The following GRM5 variants were observed in gnomAD, a reference collection of about 807,000 sequenced individuals.
The protein encoded by GRM5 is glutamate metabotropic receptor 5, also known as metabotropic glutamate receptor 5.
Under a neutral mutation model 83.1 loss-of-function variants are expected in GRM5, and 19 were observed. The ratio of observed to expected loss-of-function variants is 0.23; its 90% confidence interval spans 0.16 to 0.34. The LOEUF (loss-of-function observed/expected upper bound fraction) is 0.34. Among genes scored for constraint, GRM5 ranks in the 10% least tolerant of loss-of-function variants. The probability of loss-of-function intolerance (pLI) is 1.00; values close to 1 mark genes in which losing one functional copy is unlikely to be tolerated. For missense variants in GRM5, 1,160 were observed against 1,588.3 expected, an observed-to-expected ratio of 0.73 and a Z score of 4.58; for synonymous variants, 675 against 633.6, an observed-to-expected ratio of 1.07 and a Z score of -0.98.
chr11:88,722,070 A>T (rs1356675421), intron 3 of GRM5, among the ~76,000 whole-genome samples: 2 of 152,162 alleles, frequency 1.3e-5, no homozygotes, highest in East Asian at 3.9e-4. Flanking sequence ...AAGCAGTGAG[A>T]AGGAAATATC....
intron 9 of GRM5, among the ~76,000 whole-genome samples, chr11:88,517,683 T>A (rs1262649183): frequency 3.9e-5 from 6 of 152,132 alleles, no homozygotes; most frequent in Non-Finnish European, 8.8e-5. Context: ...TTCCTTAAAA[T>A]TCACTTCCCT....
chr11:88,881,362 G>T (rs188285199), intron 2 of GRM5, among the ~76,000 whole-genome samples: 58 of 150,692 alleles, frequency 3.8e-4, no homozygotes, highest in Non-Finnish European at 4.9e-4. Context: ...CTTCAACTAT[G>T]ATGATCAACA....
At chr11:88,935,359 G>A (rs1309315757) in intron 2 of GRM5, among the ~76,000 whole-genome samples, 1 of 151,836 alleles carries the variant, frequency 6.6e-6, no homozygotes, top group Non-Finnish European at 1.5e-5. Flanking sequence ...ATGTGTGTGT[G>A]TGTATAATTT....
intron 2 of GRM5, among the ~76,000 whole-genome samples, chr11:88,997,912 C>A (rs1190320510): frequency 6.6e-6 from 1 of 151,908 alleles, no homozygotes; most frequent in East Asian, 1.9e-4. Context: ...CATTCTCTTT[C>A]AGAAAAGAGA....
At chr11:88,989,893 C>T (rs1157051940) in intron 2 of GRM5, among the ~76,000 whole-genome samples, 1 of 151,660 alleles carries the variant, frequency 6.6e-6, no homozygotes, top group African/African-American at 2.4e-5. Context: ...GCACTAAATG[C>T]CCACAAGAGA....
intron 3 of GRM5, among the ~76,000 whole-genome samples, chr11:88,745,437 A>C (rs1462808810): frequency 6.6e-6 from 1 of 151,852 alleles, no homozygotes; most frequent in Non-Finnish European, 1.5e-5. Flanking sequence ...AACTCCTGAG[A>C]TCAAGCTATC....
chr11:88,981,810 T>C (rs1939532391), intron 2 of GRM5, among the ~76,000 whole-genome samples: 1 of 152,204 alleles, frequency 6.6e-6, no homozygotes, highest in Non-Finnish European at 1.5e-5. Context: ...AGAATTAGAA[T>C]AAGTCCTTAT....
intron 2 of GRM5, among the ~76,000 whole-genome samples, chr11:89,039,145 A>C (rs1460780502): frequency 6.6e-6 from 1 of 151,786 alleles, no homozygotes; most frequent in African/African-American, 2.4e-5. Context: ...CGCACCTGTA[A>C]TCCCAGCTAC....
At chr11:88,557,906 A>G (rs1942663688) in intron 8 of GRM5, among the ~76,000 whole-genome samples, 1 of 151,946 alleles carries the variant, frequency 6.6e-6, no homozygotes, top group Non-Finnish European at 1.5e-5. Context: ...TTTGAGATTC[A>G]ACTCAAGTGT....
At chr11:88,632,298 G>T (rs1169800118) in intron 4 of GRM5, among the ~76,000 whole-genome samples, 1 of 142,728 alleles carries the variant, frequency 7.0e-6, no homozygotes, top group Non-Finnish European at 1.5e-5. Context: ...CCTGGCTGGA[G>T]TGCAGTGGTG....
rs372877466 is a variant in GRM5 at position 88,624,424 on chromosome 11, C to T, written c.1148-19460G>A. Among the ~76,000 whole-genome samples, 20 of 152,204 alleles carry T rather than the reference C, an allele frequency of 1.3e-4. No homozygotes were observed. The South Asian group carries it at 3.9e-3, about 30-fold the overall frequency. ...TTGCCTGAGAGGATAAGAGAAAACC[C>T]GGGGCCATGCCTTATGGACGTACTC... On this transcript the variant is annotated intron_variant, in intron 4 of 9. Coordinates refer to ENST00000305447, the MANE Select transcript of GRM5 (RefSeq NM_001143831.3).
chr11:88,513,830 A>T (rs964449618), intron 9 of GRM5, among the ~76,000 whole-genome samples: 1 of 152,206 alleles, frequency 6.6e-6, no homozygotes, highest in Non-Finnish European at 1.5e-5. Flanking sequence ...ATATGAGGGT[A>T]CTTTATAGAG....
intron 3 of GRM5, among the ~76,000 whole-genome samples, chr11:88,822,548 G>A (rs972154741): frequency 6.6e-6 from 1 of 152,166 alleles, no homozygotes; most frequent in African/African-American, 2.4e-5. Context: ...GTGCAAATAC[G>A]GAGGCAGAGA....
intron 5 of GRM5, among the ~76,000 whole-genome samples, chr11:88,602,765 T>A (rs1342429016): frequency 1.3e-5 from 2 of 152,220 alleles, no homozygotes; most frequent in Non-Finnish European, 2.9e-5. Flanking sequence ...TGAACTTTTG[T>A]AAGCTTTGGT....
intron 3 of GRM5, among the ~76,000 whole-genome samples, chr11:88,749,716 GA>G (rs1332644056): frequency 6.6e-6 from 1 of 152,112 alleles, no homozygotes. Context: ...ACTTACAAAG[GA>G]AAACCTATTA....
chr11:88,825,226 G>A (rs1943874571), intron 3 of GRM5, among the ~76,000 whole-genome samples: 1 of 149,206 alleles, frequency 6.7e-6, no homozygotes, highest in African/African-American at 2.6e-5. Flanking sequence ...ACTGGATCCT[G>A]AACTTTTTTT....
chr11:88,659,168 AT>A (rs1192470542), intron 3 of GRM5, among the ~76,000 whole-genome samples: 2 of 152,176 alleles, frequency 1.3e-5, no homozygotes, highest in African/African-American at 2.4e-5. Context: ...GTAAAGGAGC[AT>A]TTTTAATGAT....
chr11:89,052,535 T>C (rs535615108), intron 1 of GRM5, among the ~76,000 whole-genome samples: 15 of 152,328 alleles, frequency 9.8e-5, no homozygotes, highest in Non-Finnish European at 1.8e-4. Context: ...GTACATTCTA[T>C]ACACTGAAGA....
At chr11:88,814,157 T>C (rs192690564) in intron 3 of GRM5, among the ~76,000 whole-genome samples, 223 of 152,174 alleles carry the variant, frequency 1.5e-3, no homozygotes, top group African/African-American at 5.0e-3. Flanking sequence ...TTTCAAGAAA[T>C]ACAATATTGA....
Sources: gnomAD v4.1 joint callset for allele counts (sites outside exome capture counted in the v4.1 genomes callset) on GRCh38, gnomAD v4.1.1 for gene constraint, MANE v1.5 for transcripts, NCBI Gene and HGNC (gene_info 2026-07-23, HGNC 2026-07-21) for gene names.